Variants in CNTN6 observed in about 807,000 individuals in gnomAD.
CNTN6 encodes the protein contactin-6.
In CNTN6, 137 loss-of-function variants were observed where a neutral mutation model predicts 122.8. The observed-to-expected ratio is 1.12, with a 90% CI of 0.97 to 1.29. The LOEUF (loss-of-function observed/expected upper bound fraction) is 1.29. CNTN6 is among the 50% of genes most tolerant of loss of function. CNTN6 has a pLI of 0.00. For synonymous variants in CNTN6, 570 were observed against 426.0 expected, an observed-to-expected ratio of 1.34 and a Z score of -4.16; for missense variants, 1,634 against 1,223.4, an observed-to-expected ratio of 1.34 and a Z score of -5.01.
At chr3:1,285,611 A>G (rs906699571) in intron 5 of CNTN6, among the ~76,000 whole-genome samples, 1 of 152,182 alleles carries the variant, frequency 6.6e-6, no homozygotes, top group Admixed American at 6.5e-5. Flanking sequence ...TTCCGGGAAG[A>G]TATCTCAATT....
chr3:1,361,599 A>G (rs1398075304), intron 12 of CNTN6, among the ~76,000 whole-genome samples: 2 of 152,106 alleles, frequency 1.3e-5, no homozygotes, highest in African/African-American at 4.8e-5. Flanking sequence ...ATTATCTAAA[A>G]ACCTACTGAT....
intron 2 of CNTN6, among the ~76,000 whole-genome samples, chr3:1,151,614 A>G (rs1249981714): frequency 6.6e-6 from 1 of 152,214 alleles, no homozygotes; most frequent in African/African-American, 2.4e-5. Flanking sequence ...GAAATATATT[A>G]GAAACTATGA....
chr3:1,244,159 T>A (rs2094526359), intron 4 of CNTN6, among the ~76,000 whole-genome samples: 2 of 152,030 alleles, frequency 1.3e-5, no homozygotes, highest in Non-Finnish European at 2.9e-5. Context: ...ATAAGGTGTT[T>A]AGGTTTTAGG....
chr3:1,106,535 C>G (rs2091231350), intron 1 of CNTN6, among the ~76,000 whole-genome samples: 1 of 152,018 alleles, frequency 6.6e-6, no homozygotes, highest in Non-Finnish European at 1.5e-5. Context: ...CACACACACA[C>G]ACACACACGC....
At chr3:1,159,577 T>G (rs954905892) in intron 2 of CNTN6, among the ~76,000 whole-genome samples, 10 of 152,056 alleles carry the variant, frequency 6.6e-5, no homozygotes, top group Admixed American at 2.0e-4. Flanking sequence ...ATATAGAATT[T>G]TTTTTTATTT....
chr3:1,302,636 T>C (rs9879821), intron 7 of CNTN6, among the ~76,000 whole-genome samples: 9,031 of 152,178 alleles, frequency 0.059, 934 homozygotes, highest in African/African-American at 0.21. Flanking sequence ...AATTGGCTTT[T>C]GTTAAATGTT....
At chr3:1,278,590 A>C in intron 5 of CNTN6, 82 bp downstream of exon 5, 1 of 777,378 alleles carries the variant, frequency 1.3e-6, no homozygotes, top group Non-Finnish European at 2.1e-6. Context: ...AGGCTCAGTG[A>C]TCACCTTTTA....
At chr3:1,248,554 T>C (rs1047437923) in intron 4 of CNTN6, among the ~76,000 whole-genome samples, 1 of 152,100 alleles carries the variant, frequency 6.6e-6, no homozygotes, top group Non-Finnish European at 1.5e-5. Flanking sequence ...AATAGTGAAG[T>C]TGGGCCTGTA....
chr3:1,287,043 CA>C (rs1261443802), intron 5 of CNTN6, among the ~76,000 whole-genome samples: 7 of 152,064 alleles, frequency 4.6e-5, no homozygotes, highest in African/African-American at 1.7e-4. Flanking sequence ...TATATGCACC[CA>C]ATACAGGAGC....
At chr3:1,264,219 C>T (rs913998001) in intron 4 of CNTN6, among the ~76,000 whole-genome samples, 1 of 152,094 alleles carries the variant, frequency 6.6e-6, no homozygotes, top group Middle Eastern at 3.2e-3. Flanking sequence ...CCAGCACTTA[C>T]TGGTACTGCA....
intron 1 of CNTN6, among the ~76,000 whole-genome samples, chr3:1,116,731 G>A (rs200763841): frequency 7.7e-6 from 1 of 129,994 alleles, no homozygotes; most frequent in Non-Finnish European, 1.6e-5. Flanking sequence ...TTGAGACAGG[G>A]TCTTGCTCTG....
chr3:1,267,248 C>T (rs1480780799), intron 4 of CNTN6, among the ~76,000 whole-genome samples: 3 of 151,800 alleles, frequency 2.0e-5, no homozygotes, highest in African/African-American at 7.3e-5. Context: ...ACTTTTTTTC[C>T]CTCTCCCACC....
In CNTN6 at chr3:1,310,170, T is replaced by C. The variant is rs906750649; in HGVS notation, c.762-11480T>C. Among the ~76,000 whole-genome samples the C allele has an allele frequency of 3.3e-5, 5 of 152,294 alleles. No homozygotes were observed. The East Asian group carries it at 7.7e-4, about 24-fold the overall frequency. ...CCAATACAATGATGACAGTGAGTGATAAGAGTAAACATGCTTGCCTTTTTC... is the reference window on the plus strand; with the variant it reads ...CCAATACAATGATGACAGTGAGTGACAAGAGTAAACATGCTTGCCTTTTTC... On this transcript the variant is annotated intron_variant, in intron 7 of 22. Coordinates refer to ENST00000446702, the MANE Select transcript of CNTN6 (RefSeq NM_001289080.2).
intron 11 of CNTN6, among the ~76,000 whole-genome samples, chr3:1,333,181 T>C (rs1702559372): frequency 6.6e-6 from 1 of 152,112 alleles, no homozygotes; most frequent in Non-Finnish European, 1.5e-5. Context: ...GGACAGAGTA[T>C]TGCACATAAA....
At chr3:1,346,699 G>A (rs919068887) in intron 11 of CNTN6, among the ~76,000 whole-genome samples, 19 of 152,104 alleles carry the variant, frequency 1.2e-4, no homozygotes, top group African/African-American at 4.3e-4. Context: ...GTCTCAGGGA[G>A]TCTGATAGAG....
intron 7 of CNTN6, among the ~76,000 whole-genome samples, chr3:1,312,812 C>CTTT (rs746158925): frequency 1.4e-5 from 2 of 137,932 alleles, no homozygotes; most frequent in African/African-American, 5.2e-5. Flanking sequence ...GGTTCAAATC[C>CTTT]TTTTTTTTTT....
intron 7 of CNTN6, among the ~76,000 whole-genome samples, chr3:1,306,990 C>T (rs986587917): frequency 6.6e-6 from 1 of 152,078 alleles, no homozygotes; most frequent in Non-Finnish European, 1.5e-5. Flanking sequence ...TATTGAATAC[C>T]TCATTCCATC....
chr3:1,172,988 G>A (rs1392944976), intron 2 of CNTN6, among the ~76,000 whole-genome samples: 1 of 152,148 alleles, frequency 6.6e-6, no homozygotes, highest in Non-Finnish European at 1.5e-5. Flanking sequence ...GGAGTGGAGG[G>A]TTCAGGTCAA....
At chr3:1,365,567 C>T (rs2126117768) in intron 12 of CNTN6, among the ~76,000 whole-genome samples, 1 of 152,082 alleles carries the variant, frequency 6.6e-6, no homozygotes, top group East Asian at 1.9e-4. Flanking sequence ...ACTTCCATTT[C>T]TATGTACGAA....
Sources: gnomAD v4.1 joint callset for allele counts (sites outside exome capture counted in the v4.1 genomes callset) on GRCh38, gnomAD v4.1.1 for gene constraint, MANE v1.5 for transcripts, NCBI Gene and HGNC (gene_info 2026-07-23, HGNC 2026-07-21) for gene names.